Variants in SSBP2 observed in about 807,000 individuals in gnomAD.
The protein encoded by SSBP2 is single-stranded DNA-binding protein 2.
SSBP2 carries 17 observed loss-of-function variants against 61.8 expected under a neutral mutation model. The observed-to-expected ratio is 0.28, with a 90% confidence interval of 0.19 to 0.41. SSBP2 has a LOEUF of 0.41. SSBP2 is among the 10% of genes least tolerant of loss of function. The pLI, the probability that SSBP2 is intolerant of heterozygous loss-of-function variation, is 1.00. For missense variants in SSBP2, 310 were observed against 458.7 expected, an observed-to-expected ratio of 0.68 and a Z score of 2.96; for synonymous variants, 139 against 141.3, an observed-to-expected ratio of 0.98 and a Z score of 0.12.
At chr5:81,477,254 C>T (rs1212065732) in intron 6 of SSBP2, among the ~76,000 whole-genome samples, 1 of 152,098 alleles carries the variant, frequency 6.6e-6, no homozygotes, top group Non-Finnish European at 1.5e-5. Flanking sequence ...AAACACCAAG[C>T]TTGAAATCTA....
chr5:81,675,196 G>C (rs1751861301), intron 1 of SSBP2, among the ~76,000 whole-genome samples: 1 of 152,072 alleles, frequency 6.6e-6, no homozygotes, highest in African/African-American at 2.4e-5. Context: ...GCAGAAACTG[G>C]AAGTTGCCTC....
chr5:81,575,513 A>T (rs1774148903), intron 4 of SSBP2, among the ~76,000 whole-genome samples: 1 of 152,164 alleles, frequency 6.6e-6, no homozygotes, highest in African/African-American at 2.4e-5. Flanking sequence ...ATAAGCATAA[A>T]AAGAACAATA....
intron 1 of SSBP2, among the ~76,000 whole-genome samples, chr5:81,729,112 T>G (rs1756087974): frequency 6.6e-6 from 1 of 152,162 alleles, no homozygotes; most frequent in Non-Finnish European, 1.5e-5. Context: ...ATGTATATAA[T>G]TATTTTTCAA....
chr5:81,674,287 C>T (rs1751797558), intron 1 of SSBP2, among the ~76,000 whole-genome samples: 1 of 152,162 alleles, frequency 6.6e-6, no homozygotes, highest in African/African-American at 2.4e-5. Context: ...CCTAAGGCAA[C>T]TGCTAGCACA....
chr5:81,567,804 G>A (rs889451261), intron 4 of SSBP2, among the ~76,000 whole-genome samples: 4 of 152,318 alleles, frequency 2.6e-5, no homozygotes, highest in Non-Finnish European at 4.4e-5. Context: ...AGAGTCAAAG[G>A]AGATCATTTT....
chr5:81,691,117 G>C (rs1753172622), intron 1 of SSBP2, among the ~76,000 whole-genome samples: 1 of 151,888 alleles, frequency 6.6e-6, no homozygotes, highest in Admixed American at 6.6e-5. Flanking sequence ...CATCAAAAGA[G>C]TAGAAAAACT....
chr5:81,421,473 G>A (rs190317406), intron 16 of SSBP2, among the ~76,000 whole-genome samples: 16 of 152,160 alleles, frequency 1.1e-4, no homozygotes, highest in African/African-American at 3.4e-4. Context: ...GATTACAGGC[G>A]TGAGACCCTG....
chr5:81,720,987 G>C (rs781605539), intron 1 of SSBP2, among the ~76,000 whole-genome samples: 1 of 152,010 alleles, frequency 6.6e-6, no homozygotes, highest in African/African-American at 2.4e-5. Flanking sequence ...TGCTTGCTAG[G>C]TAATACAATC....
At chr5:81,616,732 TC>T (rs1470657582) in intron 3 of SSBP2, 2 of 149,042 alleles carry the variant, frequency 1.3e-5, no homozygotes, top group Non-Finnish European at 3.0e-5. Context: ...GCAGTGGTTC[TC>T]CCAGCACGCA....
chr5:81,683,149 T>C (rs74331337), intron 1 of SSBP2, among the ~76,000 whole-genome samples: 2,977 of 152,216 alleles, frequency 0.02, 100 homozygotes, highest in African/African-American at 0.068. Context: ...TTTGTGGATA[T>C]CAAAAAATTA....
intron 1 of SSBP2, among the ~76,000 whole-genome samples, chr5:81,686,871 AAGAAAAGAAAAG>A (rs1752840960): frequency 6.4e-5 from 1 of 15,700 alleles, no homozygotes; most frequent in Non-Finnish European, 1.1e-4. Context: ...AAAAAAAAAA[AAGAAAAGAAAAG>A]AAAAGAAAAG....
At chr5:81,451,826 T>C (rs1260096293) in intron 10 of SSBP2, among the ~76,000 whole-genome samples, 2 of 128,224 alleles carry the variant, frequency 1.6e-5, no homozygotes, top group Non-Finnish European at 3.1e-5. Context: ...TCTCAACTAG[T>C]TGTTCAATTT....
chr5:81,578,441 AGTC>A (rs1301586616), intron 4 of SSBP2, among the ~76,000 whole-genome samples: 1 of 152,038 alleles, frequency 6.6e-6, no homozygotes, highest in Non-Finnish European at 1.5e-5. Flanking sequence ...ACTTATAAAA[AGTC>A]ATCATATAAT....
In SSBP2 at chr5:81,687,160, G is replaced by T. The variant is rs113517043; in HGVS notation, c.63-36821C>A. Among the ~76,000 whole-genome samples, 283 of 152,222 alleles carry T rather than the reference G, an allele frequency of 1.9e-3. 1 individual carries two copies. The highest frequency in any genetic ancestry group is 1.5e-3 in the Non-Finnish European group (105 of 68,032). On this transcript the variant is annotated intron_variant, in intron 1 of 16. Transcript: ENST00000320672. ...CCTACCCGATCACCCGGCAGCGGCC[G>T]CATGGTACGGAGAATCTGTGCCATT... is the stretch of plus-strand genomic sequence containing the variant.
intron 1 of SSBP2, among the ~76,000 whole-genome samples, chr5:81,746,567 G>C (rs1757362111): frequency 6.6e-6 from 1 of 152,134 alleles, no homozygotes; most frequent in Non-Finnish European, 1.5e-5. Context: ...GGGAGAACAA[G>C]GTGATGCTGG....
At chr5:81,531,242 AG>A (rs1465162608) in intron 4 of SSBP2, among the ~76,000 whole-genome samples, 22 of 150,126 alleles carry the variant, frequency 1.5e-4, no homozygotes, top group African/African-American at 2.2e-4. Flanking sequence ...AAAAAAAAAA[AG>A]AAAAAAAAAA....
chr5:81,750,719 C>T (rs985429959), intron 1 of SSBP2: 1 of 524,274 alleles, frequency 1.9e-6, no homozygotes, highest in Non-Finnish European at 3.4e-6. Flanking sequence ...TTTCCATCCT[C>T]GCCACCAGCA....
intron 13 of SSBP2, among the ~76,000 whole-genome samples, chr5:81,441,643 C>G (rs540189383): frequency 6.6e-5 from 10 of 152,120 alleles, no homozygotes; most frequent in Non-Finnish European, 1.3e-4. Context: ...TTCACCACCT[C>G]TGTGTGTGAA....
At chr5:81,583,941 A>G (rs1277223774) in intron 4 of SSBP2, among the ~76,000 whole-genome samples, 2 of 152,222 alleles carry the variant, frequency 1.3e-5, no homozygotes, top group African/African-American at 4.8e-5. Context: ...TAACAGTGCT[A>G]TTATTGAATT....
Sources: allele counts gnomAD v4.1 joint callset (sites outside exome capture counted in the v4.1 genomes callset), GRCh38; gene constraint gnomAD v4.1.1; transcripts MANE v1.5; gene names NCBI Gene and HGNC (gene_info 2026-07-23, HGNC 2026-07-21).